DLG5: variants seen among roughly 807,000 people sequenced by gnomAD.
DLG5 encodes discs large MAGUK scaffold protein 5.
DLG5 carries 48 observed loss-of-function variants against 189.8 expected under a neutral mutation model. The observed-to-expected ratio is 0.25, with a 90% confidence interval of 0.20 to 0.32. The LOEUF (loss-of-function observed/expected upper bound fraction) is 0.32. Ranked by LOEUF, DLG5 falls within the 10% of genes least tolerant of loss-of-function variation. The pLI is 1.00. For synonymous variants in DLG5, 1,016 were observed against 1,054.1 expected, an observed-to-expected ratio of 0.96 and a Z score of 0.70; for missense variants, 2,160 against 2,544.7, an observed-to-expected ratio of 0.85 and a Z score of 3.25.
rs200713319 is a variant in DLG5 at position 77,909,503 on chromosome 10, TA to T, written c.304+16713del. 9.0e-4 allele frequency among the ~76,000 whole-genome samples: 134 copies of T among 148,982 alleles called. 2 individuals carry two copies. The highest frequency in any genetic ancestry group is 2.5e-3 in the African/African-American group (101 of 40,640). ...CATGTACCCCAGAACTTAAAGGTAT[TA>T]AAAAAAAAATGAGGGTGGCTGAGGA... is the stretch of plus-strand genomic sequence containing the variant. On this transcript the variant is annotated intron_variant, in intron 1 of 31. Coordinates refer to ENST00000372391, the MANE Select transcript of DLG5 (RefSeq NM_004747.4).
At chr10:77,855,608 G>A (rs977166370) in intron 3 of DLG5, among the ~76,000 whole-genome samples, 2 of 152,244 alleles carry the variant, frequency 1.3e-5, no homozygotes, top group African/African-American at 4.8e-5. Context: ...CAGGCAGTGG[G>A]CCCGTGGGCC....
At chr10:77,830,552 C>T (rs549762097) in intron 10 of DLG5, among the ~76,000 whole-genome samples, 189 bp downstream of exon 10, 21 of 152,346 alleles carry the variant, frequency 1.4e-4, no homozygotes, top group African/African-American at 4.6e-4. Context: ...CAGCGTCCTC[C>T]GAGGACCCTG....
At chr10:77,887,517 AAAAAAAAATTAAT>A in intron 1 of DLG5, among the ~76,000 whole-genome samples, 1 of 151,998 alleles carries the variant, frequency 6.6e-6, no homozygotes, top group Non-Finnish European at 1.5e-5. Context: ...TGGTAGTCAG[AAAAAAAAATTAAT>A]ATTAAAGAGA....
intron 2 of DLG5, chr10:77,868,320 G>A (rs1427916570): frequency 2.5e-5 from 9 of 358,960 alleles, no homozygotes; most frequent in Non-Finnish European, 4.9e-5. Flanking sequence ...GGAGTGTGGG[G>A]CCCACATCTG....
intron 1 of DLG5, among the ~76,000 whole-genome samples, chr10:77,908,262 T>C (rs1297268146): frequency 6.6e-6 from 1 of 152,154 alleles, no homozygotes; most frequent in East Asian, 1.9e-4. Context: ...GAACGCTGGC[T>C]TTCCAATCCT....
intron 30 of DLG5, 48 bp downstream of exon 30, chr10:77,794,801 C>T (rs1840824301): frequency 6.5e-7 from 1 of 1,535,306 alleles, no homozygotes; most frequent in Non-Finnish European, 9.0e-7. Context: ...GGCTCCCAGC[C>T]CCACCTGTGA....
At chr10:77,816,786 C>A in intron 19 of DLG5, 85 bp from the exon 20 acceptor site, 1 of 1,528,942 alleles carries the variant, frequency 6.5e-7, no homozygotes, top group Admixed American at 1.9e-5. Flanking sequence ...GCGATCCAGA[C>A]ACACAGCTCT....
chr10:77,795,196 A>C (rs1333510000), intron 29 of DLG5, among the ~76,000 whole-genome samples: 1 of 152,218 alleles, frequency 6.6e-6, no homozygotes, highest in East Asian at 1.9e-4. Context: ...TGGCCAGCCC[A>C]ACTCCAAACT....
chr10:77,902,265 C>T (rs902480592), intron 1 of DLG5, among the ~76,000 whole-genome samples: 7 of 152,316 alleles, frequency 4.6e-5, no homozygotes, highest in African/African-American at 1.4e-4. Context: ...GAAGCTTCCC[C>T]AGTGACTCTG....
At chr10:77,927,011 G>C (rs1300971560), upstream of DLG5, 1 of 333,794 alleles carries the variant, frequency 3.0e-6, no homozygotes, top group Admixed American at 3.3e-5. Context: ...GCCCGGCTCG[G>C]AGGCCGCCTC....
At chr10:77,849,209 C>A (rs925875109) in intron 5 of DLG5, among the ~76,000 whole-genome samples, 1 of 152,254 alleles carries the variant, frequency 6.6e-6, no homozygotes, top group Non-Finnish European at 1.5e-5. Context: ...ACAAATCCCT[C>A]AAGCAAACAC....
rs376586154 is a variant in DLG5, at chr10:77,918,114, T to A, written c.304+8103A>T. Among the ~76,000 whole-genome samples the A allele has an allele frequency of 1.6e-4, 24 of 146,390 alleles. 4 individuals are homozygous for A. Among genetic ancestry groups the A allele is most frequent in the East Asian group, 1.1e-3 (5 of 4,742 alleles). On this transcript the variant is annotated intron_variant, in intron 1 of 31. Coordinates refer to ENST00000372391, the MANE Select transcript of DLG5 (RefSeq NM_004747.4). ...AAATGTTATATATATTTTTCCACAA[T>A]AAAAAATGGTTCAAGGCCGGGTGCG...
chr10:77,887,389 T>C (rs1845470924), intron 1 of DLG5, among the ~76,000 whole-genome samples: 1 of 152,210 alleles, frequency 6.6e-6, no homozygotes, highest in East Asian at 1.9e-4. Context: ...GAGCCCACTG[T>C]GCCTTCTTTC....
At chr10:77,813,941 T>C (rs1003225964) in intron 20 of DLG5, among the ~76,000 whole-genome samples, 1 of 152,196 alleles carries the variant, frequency 6.6e-6, no homozygotes, top group Non-Finnish European at 1.5e-5. Flanking sequence ...GTGTTAACAA[T>C]GGTGTCTCCA....
At chr10:77,905,388 T>C (rs927689570) in intron 1 of DLG5, among the ~76,000 whole-genome samples, 3 of 152,190 alleles carry the variant, frequency 2.0e-5, no homozygotes, top group Non-Finnish European at 2.9e-5. Flanking sequence ...CTTTTTCCAC[T>C]ATGGCCAAGA....
chr10:77,886,031 G>A (rs1845427805), intron 1 of DLG5, among the ~76,000 whole-genome samples: 1 of 152,250 alleles, frequency 6.6e-6, no homozygotes, highest in African/African-American at 2.4e-5. Context: ...CCAACAGAGA[G>A]GGGCAGTCGG....
At chr10:77,793,208 T>C (rs899837994) in intron 31 of DLG5, 2 of 152,572 alleles carry the variant, frequency 1.3e-5, no homozygotes, top group East Asian at 1.9e-4. Context: ...TCTCTAGGAA[T>C]TGTCAGTGTA....
chr10:77,916,760 G>A lies in DLG5; in HGVS notation c.304+9457C>T, dbSNP rs546730432. ...TATGACCCAGCAAGTTCACTTCTGGGTATAAACCCAAAAGAAGAGAAAGCA... is the reference window on the plus strand; with the variant it reads ...TATGACCCAGCAAGTTCACTTCTGGATATAAACCCAAAAGAAGAGAAAGCA... On this transcript the variant is annotated intron_variant, in intron 1 of 31. Transcript: ENST00000372391. Among the ~76,000 whole-genome samples the A allele has an allele frequency of 3.3e-5, 5 of 151,900 alleles. 1 individual carries two copies. The highest frequency in any genetic ancestry group is 3.3e-4 in the Admixed American group (5 of 15,246).
intron 1 of DLG5, among the ~76,000 whole-genome samples, chr10:77,923,167 G>A (rs1405233226): frequency 6.6e-6 from 1 of 152,208 alleles, no homozygotes; most frequent in Middle Eastern, 3.2e-3. Context: ...TGACGCTAAG[G>A]ATCCCAGGGA....
Sources: allele counts gnomAD v4.1 joint callset (sites outside exome capture counted in the v4.1 genomes callset), GRCh38; gene constraint gnomAD v4.1.1; transcripts MANE v1.5; gene names NCBI Gene and HGNC (gene_info 2026-07-23, HGNC 2026-07-21).